Variants in DNAJC13 observed in about 807,000 individuals in gnomAD.
DNAJC13 encodes the protein DnaJ heat shock protein family (Hsp40) member C13.
Under a neutral mutation model 290.5 loss-of-function variants are expected in DNAJC13, and 75 were observed. The ratio of observed to expected loss-of-function variants is 0.26; its 90% CI spans 0.21 to 0.31. The LOEUF is 0.31. Ranked by LOEUF, DNAJC13 falls within the 10% of genes least tolerant of loss-of-function variation. The pLI is 1.00. For synonymous variants in DNAJC13, 862 were observed against 892.0 expected, an observed-to-expected ratio of 0.97 and a Z score of 0.60; for missense variants, 2,260 against 2,674.5, an observed-to-expected ratio of 0.85 and a Z score of 3.42.
At chr3:132,440,525 T>C (rs1326686274) in intron 2 of DNAJC13, among the ~76,000 whole-genome samples, 1 of 152,256 alleles carries the variant, frequency 6.6e-6, no homozygotes, top group Non-Finnish European at 1.5e-5. Flanking sequence ...GGACTGCATA[T>C]ATGATGATCC....
At chr3:132,471,286 CG>C (rs1156435047) in intron 20 of DNAJC13, among the ~76,000 whole-genome samples, 3 of 135,798 alleles carry the variant, frequency 2.2e-5, no homozygotes, top group Admixed American at 1.4e-4. Context: ...GCTGGCCGGT[CG>C]GGGGGGCTGA....
chr3:132,530,962 G>T, intron 54 of DNAJC13, 36 bp from the exon 55 acceptor site: 2 of 1,584,700 alleles, frequency 1.3e-6, no homozygotes, highest in South Asian at 2.2e-5. Flanking sequence ...TCCAGTCCTT[G>T]ATTTTATGTT....
rs187425253 is a variant in DNAJC13, at chr3:132,523,868, A to T, written c.6060+155A>T. 1,478 of 712,490 alleles carry T rather than the reference A, an allele frequency of 2.1e-3. 18 individuals are homozygous for T. In the African/African-American group the frequency reaches 0.024, roughly 12 times the overall value. 44.1% of individuals were successfully genotyped at this position (712,490 alleles called of 1,614,324 possible). On this transcript the variant is annotated intron_variant, in intron 51 of 55. Coordinates refer to ENST00000260818, the MANE Select transcript of DNAJC13 (RefSeq NM_015268.4). ...TTAAATTCACATATGCCCCTCGATC[A>T]TTTTTTTGCCATGTTCAAAAGTGAA...
intron 1 of DNAJC13, among the ~76,000 whole-genome samples, chr3:132,421,311 C>A (rs2107636992): frequency 6.6e-6 from 1 of 152,292 alleles, no homozygotes; most frequent in African/African-American, 2.4e-5. Context: ...CAGTAATACA[C>A]CAATCCTGTT....
intron 43 of DNAJC13, among the ~76,000 whole-genome samples, chr3:132,510,359 G>C (rs1398119349): frequency 2.0e-5 from 3 of 152,242 alleles, no homozygotes; most frequent in East Asian, 3.9e-4. Context: ...CTGAGTGCTT[G>C]GGGATCATAT....
intron 46 of DNAJC13, among the ~76,000 whole-genome samples, chr3:132,515,441 A>T (rs937734085): frequency 2.0e-5 from 3 of 149,208 alleles, no homozygotes; most frequent in Admixed American, 6.7e-5. Context: ...TTCCATGGAA[A>T]TTTTTTTTTT....
intron 36 of DNAJC13, among the ~76,000 whole-genome samples, chr3:132,497,190 T>C (rs897792232): frequency 1.3e-5 from 2 of 152,240 alleles, no homozygotes; most frequent in Middle Eastern, 3.2e-3. Flanking sequence ...TGAAGAACAC[T>C]GGTATAGATG....
At chr3:132,475,871 C>T (rs1362617324) in intron 22 of DNAJC13, among the ~76,000 whole-genome samples, 1 of 152,142 alleles carries the variant, frequency 6.6e-6, no homozygotes, top group Non-Finnish European at 1.5e-5. Context: ...TGACCTCGTT[C>T]ATTTTTATTC....
chr3:132,521,555 G>T (rs971439559), intron 48 of DNAJC13, among the ~76,000 whole-genome samples: 1 of 152,094 alleles, frequency 6.6e-6, no homozygotes, highest in Admixed American at 6.6e-5. Context: ...TTTAAATCCC[G>T]CTCTAACTTT....
chr3:132,496,465 C>A, intron 35 of DNAJC13, 63 bp from the exon 36 acceptor site: 1 of 1,415,590 alleles, frequency 7.1e-7, no homozygotes, highest in African/African-American at 1.5e-5. Flanking sequence ...AACCATATGT[C>A]TTGTTTAAGT....
intron 2 of DNAJC13, among the ~76,000 whole-genome samples, chr3:132,438,876 GA>G (rs1207473771): frequency 6.6e-6 from 1 of 152,178 alleles, no homozygotes; most frequent in Admixed American, 6.5e-5. Context: ...GGAGGAGCAA[GA>G]AAAGGAGAGT....
chr3:132,456,990 G>A (rs1933622374), intron 12 of DNAJC13, among the ~76,000 whole-genome samples, 158 bp downstream of exon 12: 2 of 152,168 alleles, frequency 1.3e-5, no homozygotes, highest in African/African-American at 4.8e-5. Context: ...GAAGGTGAGG[G>A]CAGCAGAAGC....
At position 132,461,035 on chromosome 3, in the gene DNAJC13, G is replaced by A. The variant is rs765611385; in HGVS notation, c.1558-15G>A. 1.2e-6 allele frequency: 2 copies of A among 1,611,950 alleles called. No homozygotes were observed. Among genetic ancestry groups the A allele is most frequent in the African/African-American group, 2.7e-5 (2 of 74,776 alleles). On this transcript the variant is annotated splice_polypyrimidine_tract_variant and intron_variant, in intron 14 of 55. Coordinates refer to ENST00000260818, the MANE Select transcript of DNAJC13 (RefSeq NM_015268.4). ...ATCTCTTAAGTCTTTAAGAGAATCT[G>A]TTGCATTGTTTCAGGATCATGGGAC...
intron 51 of DNAJC13, chr3:132,523,937 A>AAC: frequency 2.3e-6 from 1 of 430,224 alleles, no homozygotes; most frequent in Non-Finnish European, 4.1e-6. Context: ...AGATATCTAT[A>AAC]TTGAGAGGAT....
chr3:132,456,646 ACT>A lies in DNAJC13; in HGVS notation c.1180-14_1180-13del, dbSNP rs368435548. The A allele has an allele frequency of 6.8e-4, 1,092 of 1,612,738 alleles. 14 individuals are homozygous for A. The African/African-American group carries it at 0.013, about 19-fold the overall frequency. On this transcript the variant is annotated splice_polypyrimidine_tract_variant and intron_variant, in intron 11 of 55. Transcript: ENST00000260818. ...TTTGGTATGGAAACTTTTTTGAAAT[ACT>A]CTTTCTTCACCTAGGGTCTCTTCTC... is the stretch of plus-strand genomic sequence containing the variant.
At chr3:132,538,151 GT>G (rs773583306) in intron 55 of DNAJC13, 24 bp from the exon 56 acceptor site, 1 of 1,594,596 alleles carries the variant, frequency 6.3e-7, no homozygotes, top group Non-Finnish European at 8.6e-7. Flanking sequence ...TTCTAGAGGT[GT>G]GTGTTTACCT....
intron 32 of DNAJC13, among the ~76,000 whole-genome samples, chr3:132,492,057 A>G (rs1440215487): frequency 6.6e-6 from 1 of 152,032 alleles, no homozygotes; most frequent in Non-Finnish European, 1.5e-5. Context: ...TAATTGAAAT[A>G]AATACCATCT....
chr3:132,484,813 A>G, intron 29 of DNAJC13, 141 bp downstream of exon 29: 1 of 728,546 alleles, frequency 1.4e-6, no homozygotes, highest in Non-Finnish European at 2.3e-6. Context: ...TCACACCTCC[A>G]ATCCCAGCAC....
intron 5 of DNAJC13, among the ~76,000 whole-genome samples, chr3:132,449,266 A>G (rs749851130): frequency 7.3e-5 from 11 of 151,144 alleles, no homozygotes; most frequent in Non-Finnish European, 1.3e-4. Flanking sequence ...GGTTTCTCAA[A>G]AGTCCTTCTT....
Sources: allele counts gnomAD v4.1 joint callset (sites outside exome capture counted in the v4.1 genomes callset), GRCh38; gene constraint gnomAD v4.1.1; transcripts MANE v1.5; gene names NCBI Gene and HGNC (gene_info 2026-07-23, HGNC 2026-07-21).